Variants in SSBP2 observed in about 807,000 individuals in gnomAD.
SSBP2 encodes the protein single-stranded DNA-binding protein 2.
In SSBP2, 17 loss-of-function variants were observed where a neutral mutation model predicts 61.8. That is an observed-to-expected ratio of 0.28 (90% CI 0.19 to 0.41). SSBP2 has a LOEUF of 0.41. Among genes scored for constraint, SSBP2 ranks in the 10% least tolerant of loss-of-function variants. The pLI, the probability that SSBP2 is intolerant of heterozygous loss-of-function variation, is 1.00. For missense variants in SSBP2, 310 were observed against 458.7 expected, an observed-to-expected ratio of 0.68 and a Z score of 2.96; for synonymous variants, 139 against 141.3, an observed-to-expected ratio of 0.98 and a Z score of 0.12.
chr5:81,580,750 T>TTAA (rs1554091256), intron 4 of SSBP2, among the ~76,000 whole-genome samples: 2 of 145,944 alleles, frequency 1.4e-5, no homozygotes, highest in Non-Finnish European at 3.0e-5. Context: ...TCAGTGTAGG[T>TTAA]AAAAAAAAAA....
intron 16 of SSBP2, among the ~76,000 whole-genome samples, chr5:81,423,833 T>C (rs1282644863): frequency 6.6e-6 from 1 of 152,214 alleles, no homozygotes; most frequent in Non-Finnish European, 1.5e-5. Context: ...CATTATACTA[T>C]ACGTTGTTAA....
chr5:81,565,856 A>G (rs1203768785), intron 4 of SSBP2, among the ~76,000 whole-genome samples: 2 of 152,186 alleles, frequency 1.3e-5, no homozygotes, highest in African/African-American at 4.8e-5. Flanking sequence ...CACATGTTCA[A>G]AGAGGAAATG....
At chr5:81,538,676 C>T (rs1381442487) in intron 4 of SSBP2, among the ~76,000 whole-genome samples, 1 of 152,192 alleles carries the variant, frequency 6.6e-6, no homozygotes, top group Admixed American at 6.5e-5. Flanking sequence ...TAAGCTGAAG[C>T]CAATGCTCAT....
At chr5:81,461,015 A>G in intron 10 of SSBP2, 40 bp downstream of exon 10, 1 of 1,234,710 alleles carries the variant, frequency 8.1e-7, no homozygotes, top group Non-Finnish European at 1.0e-6. Flanking sequence ...TAAATGTTAC[A>G]AAATGCAAAA....
chr5:81,465,397 T>A (rs1764821410), intron 9 of SSBP2, among the ~76,000 whole-genome samples: 1 of 152,038 alleles, frequency 6.6e-6, no homozygotes, highest in African/African-American at 2.4e-5. Flanking sequence ...CACATGTATA[T>A]GCTTAAGTAT....
At chr5:81,711,202 G>A (rs1020041689) in intron 1 of SSBP2, among the ~76,000 whole-genome samples, 3 of 152,036 alleles carry the variant, frequency 2.0e-5, no homozygotes, top group Non-Finnish European at 2.9e-5. Context: ...ATAATTAGGT[G>A]CTTGTCTTTA....
chr5:81,713,699 G>A (rs1040631366), intron 1 of SSBP2, among the ~76,000 whole-genome samples: 2 of 152,014 alleles, frequency 1.3e-5, no homozygotes, highest in African/African-American at 4.8e-5. Flanking sequence ...TTTTTAGAAT[G>A]CATCAGTGAA....
At chr5:81,746,230 C>T (rs997634203) in intron 1 of SSBP2, among the ~76,000 whole-genome samples, 3 of 151,942 alleles carry the variant, frequency 2.0e-5, no homozygotes, top group East Asian at 3.8e-4. Flanking sequence ...TTTTTTGATA[C>T]TTCTGAAATA....
chr5:81,642,730 T>C (rs1299341790), intron 2 of SSBP2, among the ~76,000 whole-genome samples: 1 of 152,164 alleles, frequency 6.6e-6, no homozygotes, highest in African/African-American at 2.4e-5. Flanking sequence ...GCACATTTCA[T>C]AGAATGAAAT....
chr5:81,458,939 G>A (rs1352746106), intron 10 of SSBP2, among the ~76,000 whole-genome samples: 1 of 152,126 alleles, frequency 6.6e-6, no homozygotes, highest in East Asian at 1.9e-4. Context: ...TCTAAAGAGA[G>A]AATGATAGGC....
intron 6 of SSBP2, among the ~76,000 whole-genome samples, chr5:81,483,443 T>C (rs1397293835): frequency 6.6e-6 from 1 of 152,192 alleles, no homozygotes; most frequent in Non-Finnish European, 1.5e-5. Context: ...TAAGATTTAA[T>C]TCAGTAACAA....
chr5:81,570,016 T>TA (rs1481534737), intron 4 of SSBP2, among the ~76,000 whole-genome samples: 1 of 151,802 alleles, frequency 6.6e-6, no homozygotes, highest in Non-Finnish European at 1.5e-5. Context: ...AACTCTGATT[T>TA]AAAAAAAAGA....
intron 1 of SSBP2, among the ~76,000 whole-genome samples, chr5:81,742,830 A>G (rs1352536471): frequency 2.6e-5 from 4 of 152,156 alleles, no homozygotes. Context: ...CAGAGAGCCG[A>G]GATTGCGCCA....
rs549193617 is a variant in SSBP2 at position 81,730,850 on chromosome 5, C to A, written c.62+20131G>T. ...GATGAGAGATGAGCCAAATGATGAA[C>A]ATTTTACCTCCAGAATATTCTTCAC... On this transcript the variant is annotated intron_variant, in intron 1 of 16. Transcript: ENST00000320672. 2.6e-5 allele frequency among the ~76,000 whole-genome samples: 4 copies of A among 152,264 alleles called. No homozygotes were observed. In the South Asian group the frequency reaches 8.3e-4, roughly 32 times the overall value.
At chr5:81,631,652 T>C (rs895946108) in intron 3 of SSBP2, among the ~76,000 whole-genome samples, 1 of 152,146 alleles carries the variant, frequency 6.6e-6, no homozygotes, top group Non-Finnish European at 1.5e-5. Context: ...GCCTACTCAG[T>C]TCTTTCTCTG....
intron 4 of SSBP2, among the ~76,000 whole-genome samples, chr5:81,541,433 T>C (rs1462961924): frequency 6.6e-6 from 1 of 151,748 alleles, no homozygotes; most frequent in South Asian, 2.1e-4. Context: ...AAAATTCATA[T>C]AGCACCAAAA....
intron 1 of SSBP2, among the ~76,000 whole-genome samples, chr5:81,673,872 A>T (rs565327118): frequency 2.0e-5 from 3 of 152,332 alleles, no homozygotes; most frequent in African/African-American, 7.2e-5. Flanking sequence ...CAAAAATGTT[A>T]CAGACTGAGA....
intron 5 of SSBP2, among the ~76,000 whole-genome samples, chr5:81,500,521 C>T (rs1284204911): frequency 2.0e-5 from 3 of 152,102 alleles, no homozygotes; most frequent in African/African-American, 7.2e-5. Flanking sequence ...AGTACAGTGA[C>T]ACAATCTCGG....
At chr5:81,622,832 T>G (rs1746737775) in intron 3 of SSBP2, among the ~76,000 whole-genome samples, 1 of 152,136 alleles carries the variant, frequency 6.6e-6, no homozygotes, top group Non-Finnish European at 1.5e-5. Context: ...AATGCAAAGT[T>G]AAGTTCATAA....
Sources: allele counts gnomAD v4.1 joint callset (sites outside exome capture counted in the v4.1 genomes callset), GRCh38; gene constraint gnomAD v4.1.1; transcripts MANE v1.5; gene names NCBI Gene and HGNC (gene_info 2026-07-23, HGNC 2026-07-21).